RBM33: variants seen among roughly 807,000 people sequenced by gnomAD.
RBM33 encodes the protein RNA-binding protein 33.
In RBM33, 28 loss-of-function variants were observed where a neutral mutation model predicts 132.6. The observed-to-expected ratio is 0.21, with a 90% confidence interval of 0.16 to 0.29. The LOEUF (loss-of-function observed/expected upper bound fraction) is 0.29, where lower values mean the gene tolerates loss of function less well. RBM33 is among the 10% of genes least tolerant of loss of function. RBM33 has a pLI of 1.00. For synonymous variants in RBM33, 634 were observed against 593.0 expected (o/e 1.07, Z -1.01); for missense variants, 1,291 against 1,518.5 (o/e 0.85, Z 2.49).
intron 9 of RBM33, among the ~76,000 whole-genome samples, chr7:155,719,193 A>C (rs369296106): frequency 1.3e-5 from 2 of 151,796 alleles, no homozygotes; most frequent in East Asian, 1.9e-4. Context: ...TTTTTTAAAC[A>C]GTGTAGGGGA....
At chr7:155,702,175 T>C (rs1318923921) in intron 6 of RBM33, among the ~76,000 whole-genome samples, 1 of 152,234 alleles carries the variant, frequency 6.6e-6, no homozygotes, top group East Asian at 1.9e-4. Flanking sequence ...AATTACTTTT[T>C]AAAACCATTA....
chr7:155,709,001 C>T (rs1460865792), intron 7 of RBM33, among the ~76,000 whole-genome samples: 1 of 151,818 alleles, frequency 6.6e-6, no homozygotes, highest in Non-Finnish European at 1.5e-5. Context: ...GCCACCTGAC[C>T]CCTTGTCCTG....
chr7:155,696,152 T>C (rs1471957732), intron 5 of RBM33, among the ~76,000 whole-genome samples: 1 of 152,244 alleles, frequency 6.6e-6, no homozygotes, highest in African/African-American at 2.4e-5. Context: ...ACAGTCTTGA[T>C]TACTGTAACA....
At chr7:155,661,137 T>C (rs1798635069) in intron 1 of RBM33, among the ~76,000 whole-genome samples, 1 of 70,466 alleles carries the variant, frequency 1.4e-5, no homozygotes, top group Non-Finnish European at 3.4e-5. Context: ...TGTGTATATA[T>C]ATATATATAT....
intron 1 of RBM33, among the ~76,000 whole-genome samples, chr7:155,651,441 TCTC>T (rs1203023759): frequency 6.6e-6 from 1 of 152,114 alleles, no homozygotes; most frequent in Admixed American, 6.5e-5. Context: ...AACAACATTT[TCTC>T]CTCTTTGTTT....
intron 1 of RBM33, among the ~76,000 whole-genome samples, chr7:155,652,152 ATAT>A (rs1798372519): frequency 6.6e-6 from 1 of 152,232 alleles, no homozygotes; most frequent in Non-Finnish European, 1.5e-5. Flanking sequence ...GACTAGGAAC[ATAT>A]TATACATGAG....
At chr7:155,673,401 ATTGTGT>A (rs1254282828) in intron 3 of RBM33, among the ~76,000 whole-genome samples, 2 of 34,836 alleles carry the variant, frequency 5.7e-5, no homozygotes, top group African/African-American at 8.6e-5. Context: ...ATTTATATAT[ATTGTGT>A]GTGTGTGTGT....
At chr7:155,766,347 A>G in intron 15 of RBM33, 120 bp from the exon 16 acceptor site, 3 of 1,129,238 alleles carry the variant, frequency 2.7e-6, no homozygotes, top group Non-Finnish European at 3.7e-6. Context: ...ACTACAGAAA[A>G]TCCTGTAGCT....
intron 5 of RBM33, among the ~76,000 whole-genome samples, chr7:155,687,140 T>C (rs1020053165): frequency 6.6e-6 from 1 of 152,206 alleles, no homozygotes; most frequent in African/African-American, 2.4e-5. Context: ...CTCCAGCACC[T>C]GTTGTTTCTT....
At chr7:155,755,293 C>CT (rs778646882) in intron 14 of RBM33, among the ~76,000 whole-genome samples, 4 of 152,190 alleles carry the variant, frequency 2.6e-5, no homozygotes, top group Non-Finnish European at 4.4e-5. Context: ...CACCCCTGTC[C>CT]TTCTGTGTGT....
At chr7:155,757,635 G>A (rs1262045240) in intron 14 of RBM33, among the ~76,000 whole-genome samples, 1 of 152,148 alleles carries the variant, frequency 6.6e-6, no homozygotes, top group Non-Finnish European at 1.5e-5. Flanking sequence ...GCACAATGAG[G>A]ATACTACTAC....
intron 1 of RBM33, among the ~76,000 whole-genome samples, chr7:155,653,532 A>G (rs1036456393): frequency 6.6e-5 from 10 of 151,826 alleles, no homozygotes; most frequent in Admixed American, 2.6e-4. Flanking sequence ...AACTAACCCC[A>G]TGTTAAGAGG....
intron 2 of RBM33, among the ~76,000 whole-genome samples, chr7:155,671,037 A>C (rs906984119): frequency 6.6e-6 from 1 of 152,154 alleles, no homozygotes; most frequent in Non-Finnish European, 1.5e-5. Flanking sequence ...AACTGGCATC[A>C]CATTCCATTT....
chr7:155,759,229 G>A (rs1215847410), intron 14 of RBM33, among the ~76,000 whole-genome samples: 1 of 152,118 alleles, frequency 6.6e-6, no homozygotes, highest in Non-Finnish European at 1.5e-5. Flanking sequence ...ACTTTAAATA[G>A]AGATCAAGCC....
intron 14 of RBM33, among the ~76,000 whole-genome samples, chr7:155,747,366 G>A (rs1401164325): frequency 6.6e-6 from 1 of 152,106 alleles, no homozygotes; most frequent in Non-Finnish European, 1.5e-5. Context: ...TTTAAGATGA[G>A]ATGTTGGCCA....
At position 155,780,721 on chromosome 7, in the gene RBM33, C is replaced by G. The variant is rs1366012397; in HGVS notation, c.*5680C>G. The G allele has an allele frequency of 6.6e-6, 1 of 152,364 alleles. No homozygotes were observed. Among genetic ancestry groups the G allele is most frequent in the Non-Finnish European group, 1.5e-5 (1 of 68,116 alleles). The allele number at this position is 152,364 out of a possible 1,614,324, so 9.4% of individuals were successfully genotyped here. ...TTCCTGCCACTCTGCTCCGCCTCAG[C>G]CTTGAGAACTCCACGTGGGCTGGGT... On this transcript the variant is annotated 3_prime_UTR_variant, in exon 18 of 18. Transcript: ENST00000401878.
intron 8 of RBM33, among the ~76,000 whole-genome samples, chr7:155,714,633 G>C (rs1800406192): frequency 6.6e-6 from 1 of 152,156 alleles, no homozygotes; most frequent in South Asian, 2.1e-4. Context: ...CCAGACCTTT[G>C]GCAAGAAGCT....
At position 155,673,550 on chromosome 7, in the gene RBM33, G is replaced by GTA. The variant is rs1231809726; in HGVS notation, c.171+644_171+645dup. 4.3e-3 allele frequency among the ~76,000 whole-genome samples: 206 copies of GTA among 48,246 alleles called. 36 individuals carry two copies. The highest frequency in any genetic ancestry group is 7.4e-3 in the East Asian group (14 of 1,892). The allele number at this position is 48,246 out of a possible 152,430, so 31.7% of individuals were successfully genotyped here. On this transcript the variant is annotated intron_variant, in intron 3 of 17. Transcript: ENST00000401878. ...TACACACATATATACATACACACGT[G>GTA]TATATATATACACACATATACATAC...
At chr7:155,664,771 C>T (rs1798755271) in intron 1 of RBM33, among the ~76,000 whole-genome samples, 1 of 152,116 alleles carries the variant, frequency 6.6e-6, no homozygotes, top group Non-Finnish European at 1.5e-5. Context: ...GGAATCTTAG[C>T]TTTCCATGAT....
Sources: gnomAD v4.1 joint callset for allele counts (sites outside exome capture counted in the v4.1 genomes callset) on GRCh38, gnomAD v4.1.1 for gene constraint, MANE v1.5 for transcripts, NCBI Gene and HGNC (gene_info 2026-07-23, HGNC 2026-07-21) for gene names.